COL25A1: variants seen among roughly 807,000 people sequenced by gnomAD.
The protein encoded by COL25A1 is collagen alpha-1(XXV) chain.
COL25A1 carries 103 observed loss-of-function variants against 128.4 expected under a neutral mutation model. The ratio of observed to expected loss-of-function variants is 0.80; its 90% CI spans 0.68 to 0.94. COL25A1 has a LOEUF of 0.94. Among genes scored for constraint, COL25A1 ranks in the 40% least tolerant of loss-of-function variants. The probability of loss-of-function intolerance (pLI) is 0.00; values close to 1 mark genes in which losing one functional copy is unlikely to be tolerated. For missense variants in COL25A1, 745 were observed against 840.0 expected, an observed-to-expected ratio of 0.89 and a Z score of 1.40; for synonymous variants, 279 against 277.2, an observed-to-expected ratio of 1.01 and a Z score of -0.06.
chr4:108,831,878 T>A (rs1293621961), intron 32 of COL25A1, among the ~76,000 whole-genome samples: 1 of 152,132 alleles, frequency 6.6e-6, no homozygotes, highest in Non-Finnish European at 1.5e-5. Context: ...ATTATTTCCT[T>A]ATGGTTAAAG....
At chr4:108,855,784 A>G (rs1736421415) in intron 24 of COL25A1, among the ~76,000 whole-genome samples, 1 of 152,190 alleles carries the variant, frequency 6.6e-6, no homozygotes, top group Non-Finnish European at 1.5e-5. Context: ...TTCAATGACA[A>G]CAAACTGAGC....
intron 8 of COL25A1, among the ~76,000 whole-genome samples, chr4:108,951,257 T>G (rs546040446): frequency 3.9e-5 from 6 of 152,304 alleles, no homozygotes; most frequent in African/African-American, 1.4e-4. Context: ...CATGTGAGTA[T>G]GAGGAAGACA....
chr4:108,985,595 A>T lies in COL25A1; in HGVS notation c.439-11036T>A, dbSNP rs576030514. On this transcript the variant is annotated intron_variant, in intron 6 of 37. Coordinates refer to ENST00000399132, the MANE Select transcript of COL25A1 (RefSeq NM_198721.4). ...TTTCCATTAGGAAGCAGAAAGCTAA[A>T]CTATGGGAAGGAAAACTGCTGAGCC... 1.3e-3 allele frequency among the ~76,000 whole-genome samples: 196 copies of T among 152,336 alleles called. 2 individuals carry two copies. Among genetic ancestry groups the T allele is most frequent in the Non-Finnish European group, 2.4e-4 (16 of 68,034 alleles).
chr4:109,198,266 T>C (rs1438183821), intron 3 of COL25A1, among the ~76,000 whole-genome samples: 1 of 148,766 alleles, frequency 6.7e-6, no homozygotes, highest in African/African-American at 2.5e-5. Flanking sequence ...AGTCACCTTA[T>C]TAACCACATC....
chr4:108,868,155 A>G (rs989124548), intron 20 of COL25A1, among the ~76,000 whole-genome samples: 3 of 152,122 alleles, frequency 2.0e-5, no homozygotes, highest in Non-Finnish European at 4.4e-5. Context: ...AATGAGTTCT[A>G]TCTCTCCTCC....
At chr4:108,815,429 A>G (rs1296664887) in intron 37 of COL25A1, among the ~76,000 whole-genome samples, 3 of 152,202 alleles carry the variant, frequency 2.0e-5, no homozygotes, top group South Asian at 2.1e-4. Context: ...TGACCACATA[A>G]GAAATTTGAG....
intron 30 of COL25A1, among the ~76,000 whole-genome samples, chr4:108,844,318 A>C (rs1293293080): frequency 6.6e-6 from 1 of 152,194 alleles, no homozygotes; most frequent in Non-Finnish European, 1.5e-5. Flanking sequence ...AAACTACTCT[A>C]TCTCTTCCCA....
At chr4:108,904,662 T>C (rs1743248731) in intron 13 of COL25A1, among the ~76,000 whole-genome samples, 1 of 151,962 alleles carries the variant, frequency 6.6e-6, no homozygotes, top group Non-Finnish European at 1.5e-5. Flanking sequence ...TGGTCTCATG[T>C]TTGTGGCATA....
intron 3 of COL25A1, among the ~76,000 whole-genome samples, chr4:109,126,913 A>C (rs1323568044): frequency 2.6e-5 from 4 of 151,966 alleles, no homozygotes; most frequent in African/African-American, 9.6e-5. Context: ...ATAATAATAA[A>C]ATTAAAAAAA....
intron 3 of COL25A1, among the ~76,000 whole-genome samples, chr4:109,073,100 A>C (rs1763108088): frequency 1.3e-5 from 2 of 152,082 alleles, no homozygotes; most frequent in South Asian, 4.1e-4. Flanking sequence ...GGCCTATTTC[A>C]GAACCTCTGA....
chr4:109,029,147 A>G (rs1758600635), intron 5 of COL25A1, among the ~76,000 whole-genome samples: 1 of 152,182 alleles, frequency 6.6e-6, no homozygotes, highest in Non-Finnish European at 1.5e-5. Context: ...TTGAGGACAA[A>G]AGATATTATG....
intron 8 of COL25A1, among the ~76,000 whole-genome samples, chr4:108,956,758 T>C (rs1036562138): frequency 1.1e-4 from 17 of 152,274 alleles, no homozygotes; most frequent in African/African-American, 4.1e-4. Flanking sequence ...GTGGGAATGA[T>C]TTTTGTCTCT....
intron 8 of COL25A1, among the ~76,000 whole-genome samples, chr4:108,968,590 T>C (rs1457345197): frequency 6.6e-6 from 1 of 151,860 alleles, no homozygotes; most frequent in African/African-American, 2.4e-5. Context: ...CTCATCCCAC[T>C]CCGTAAGTGT....
chr4:109,093,095 GA>G (rs927178415), intron 3 of COL25A1, among the ~76,000 whole-genome samples: 16 of 152,050 alleles, frequency 1.1e-4, no homozygotes, highest in Admixed American at 2.6e-4. Flanking sequence ...CTCCAGGCCA[GA>G]ACAAAACAAG....
Position 108,866,198 on chromosome 4 carries a change from CTTT to C in COL25A1, c.1084-2814_1084-2812del, listed in dbSNP as rs35781275. Among the ~76,000 whole-genome samples, 231 of 128,600 alleles carry C rather than the reference CTTT, an allele frequency of 1.8e-3. 1 individual carries two copies. In the South Asian group the frequency reaches 0.027, roughly 15 times the overall value. The allele number at this position is 128,600 out of a possible 152,430, so 84.4% of individuals were successfully genotyped here. On this transcript the variant is annotated intron_variant, in intron 20 of 37. Coordinates refer to ENST00000399132, the MANE Select transcript of COL25A1 (RefSeq NM_198721.4). Reference sequence around the variant, plus strand: ...GACTATAGTCCCATTTCTTTTCTTTCTTTTTTTTTTTTTTTTTGAGGTCTCACT... The same window carrying C: ...GACTATAGTCCCATTTCTTTTCTTTCTTTTTTTTTTTTTTGAGGTCTCACT...
At chr4:108,954,947 T>A (rs1256403560) in intron 8 of COL25A1, among the ~76,000 whole-genome samples, 1 of 139,858 alleles carries the variant, frequency 7.2e-6, no homozygotes, top group Non-Finnish European at 1.5e-5. Flanking sequence ...TTATAAATCT[T>A]TTTTTTTTTA....
intron 3 of COL25A1, among the ~76,000 whole-genome samples, chr4:109,053,519 C>T (rs1385193510): frequency 2.0e-5 from 3 of 152,142 alleles, no homozygotes; most frequent in African/African-American, 4.8e-5. Context: ...CTCACATGAT[C>T]GTGAGGGTGG....
Position 108,811,583 on chromosome 4 carries a change from G to A in COL25A1, c.*2344C>T, listed in dbSNP as rs1730797019. 1 of 152,096 alleles carries A rather than the reference G, an allele frequency of 6.6e-6. No individual in the cohort carries two copies. The highest frequency in any genetic ancestry group is 2.1e-4 in the South Asian group (1 of 4,832). The allele number at this position is 152,096 out of a possible 1,614,324, so 9.4% of individuals were successfully genotyped here. ...GAAAAAAATATAGCCACTGGACACT[G>A]TAGTTTGTTTTCCTGAAGAGAATGT... On this transcript the variant is annotated 3_prime_UTR_variant, in exon 38 of 38. Transcript: ENST00000399132.
intron 3 of COL25A1, among the ~76,000 whole-genome samples, chr4:109,111,667 C>T (rs1419039323): frequency 6.6e-6 from 1 of 152,152 alleles, no homozygotes; most frequent in Non-Finnish European, 1.5e-5. Flanking sequence ...AAACAGTATA[C>T]TTCTCTGTGA....
Sources: gnomAD v4.1 joint callset for allele counts (sites outside exome capture counted in the v4.1 genomes callset) on GRCh38, gnomAD v4.1.1 for gene constraint, MANE v1.5 for transcripts, NCBI Gene and HGNC (gene_info 2026-07-23, HGNC 2026-07-21) for gene names.